The following EPHX4 variants were observed in gnomAD, a reference collection of about 807,000 sequenced individuals.
The protein encoded by EPHX4 is abhydrolase domain containing 7.
A neutral mutation model predicts 44.9 loss-of-function variants in EPHX4; 31 were observed. That is an observed-to-expected ratio of 0.69 (90% CI 0.52 to 0.93). The LOEUF (loss-of-function observed/expected upper bound fraction) is 0.93, where lower values mean the gene tolerates loss of function less well. EPHX4 is among the 40% of genes least tolerant of loss of function. The pLI is 0.00. For missense variants in EPHX4, 373 were observed against 438.1 expected (o/e 0.85, Z 1.33); for synonymous variants, 151 against 159.7 (o/e 0.95, Z 0.41).
intron 4 of EPHX4, among the ~76,000 whole-genome samples, chr1:92,046,592 T>C (rs1268650154): frequency 6.6e-6 from 1 of 151,212 alleles, no homozygotes; most frequent in Non-Finnish European, 1.5e-5. Context: ...GCCTCCCGAG[T>C]AGCTGGGACT....
At chr1:92,054,186 A>G (rs890409126) in intron 6 of EPHX4, among the ~76,000 whole-genome samples, 1 of 152,186 alleles carries the variant, frequency 6.6e-6, no homozygotes, top group South Asian at 2.1e-4. Flanking sequence ...TAGGCTGTTA[A>G]CATTCCCCAG....
rs1049631569 is a variant in EPHX4 at position 92,042,764 on chromosome 1, T to A, written c.318-59T>A. Reference sequence around the variant, plus strand: ...AAAAAGAAAGGAAAAAGAAAATCTGTAATGTTACTGTTTGTACTAGCTAAT... The same window carrying A: ...AAAAAGAAAGGAAAAAGAAAATCTGAAATGTTACTGTTTGTACTAGCTAAT... On this transcript the variant is annotated intron_variant, in intron 2 of 6. Transcript: ENST00000370383. 14 of 1,360,262 alleles carry A rather than the reference T, an allele frequency of 1.0e-5. No homozygotes were observed. In the East Asian group the frequency reaches 3.4e-4, roughly 33 times the overall value. 84.3% of individuals were successfully genotyped at this position (1,360,262 alleles called of 1,614,324 possible). A position where few individuals can be genotyped will look rare whatever the true frequency, so the allele number is the denominator to read the frequency against.
intron 3 of EPHX4, chr1:92,043,782 G>A (rs1375800605): frequency 6.6e-6 from 1 of 152,236 alleles, no homozygotes; most frequent in East Asian, 1.9e-4. Context: ...GCTTCTCTCT[G>A]TGAGTTGGGC....
At chr1:92,050,527 T>C (rs1194587739) in intron 5 of EPHX4, 107 bp downstream of exon 5, 1 of 660,528 alleles carries the variant, frequency 1.5e-6, no homozygotes, top group African/African-American at 1.9e-5. Flanking sequence ...GAAATTATTA[T>C]AACTTAAATG....
chr1:92,058,910 A>G (rs951282200), intron 6 of EPHX4, among the ~76,000 whole-genome samples: 4 of 152,158 alleles, frequency 2.6e-5, no homozygotes, highest in Non-Finnish European at 4.4e-5. Context: ...TTCTACTGGT[A>G]TCTGAGAGAG....
intron 6 of EPHX4, among the ~76,000 whole-genome samples, chr1:92,060,271 A>AGCTGTTGTG (rs1261761010): frequency 6.6e-6 from 1 of 151,574 alleles, no homozygotes; most frequent in African/African-American, 2.4e-5. Context: ...TTAATTAGTC[A>AGCTGTTGTG]GCTGTTGTGG....
At chr1:92,062,584 CAAAAAAAAAAAAAAAA>C (rs1167530513) in intron 6 of EPHX4, among the ~76,000 whole-genome samples, 3 of 20,090 alleles carry the variant, frequency 1.5e-4, no homozygotes, top group Admixed American at 5.4e-4. Flanking sequence ...AACTCCATCT[CAAAAAAAAAAAAAAAA>C]AAAAAAAAAA....
chr1:92,053,332 G>T (rs1647298897), intron 6 of EPHX4, among the ~76,000 whole-genome samples: 1 of 152,110 alleles, frequency 6.6e-6, no homozygotes. Flanking sequence ...AGGGCTTCTT[G>T]GCTGGAGCAC....
intron 4 of EPHX4, among the ~76,000 whole-genome samples, chr1:92,049,731 G>A (rs1051638146): frequency 2.0e-5 from 3 of 152,152 alleles, no homozygotes; most frequent in Non-Finnish European, 4.4e-5. Flanking sequence ...AATGACCTTG[G>A]AGGAAAAGCA....
intron 1 of EPHX4, among the ~76,000 whole-genome samples, 173 bp downstream of exon 1, chr1:92,030,483 T>TGTGTGTGTGTGTGTGTGAGA (rs745435867): frequency 7.2e-6 from 1 of 138,656 alleles, no homozygotes; most frequent in Non-Finnish European, 1.6e-5. Flanking sequence ...TGTGTGTGTG[T>TGTGTGTGTGTGTGTGTGAGA]GTGAGAGAGA....
intron 6 of EPHX4, among the ~76,000 whole-genome samples, chr1:92,055,075 A>T (rs1212705801): frequency 3.9e-5 from 6 of 152,210 alleles, no homozygotes; most frequent in African/African-American, 1.4e-4. Context: ...CAAGAAAATG[A>T]TCAGTTAAAA....
At chr1:92,038,183 T>C (rs1688466968) in intron 2 of EPHX4, among the ~76,000 whole-genome samples, 1 of 152,248 alleles carries the variant, frequency 6.6e-6, no homozygotes, top group African/African-American at 2.4e-5. Context: ...CATGGAAGCA[T>C]CATGTTTGCA....
chr1:92,044,103 C>T (rs1688550436), intron 3 of EPHX4, among the ~76,000 whole-genome samples: 1 of 152,018 alleles, frequency 6.6e-6, no homozygotes, highest in Non-Finnish European at 1.5e-5. Context: ...AAGCTGCTAC[C>T]ATCAGTATGT....
intron 1 of EPHX4, among the ~76,000 whole-genome samples, chr1:92,031,375 A>C (rs1688357884): frequency 6.6e-6 from 1 of 152,208 alleles, no homozygotes; most frequent in Non-Finnish European, 1.5e-5. Context: ...GTAAAGTCAG[A>C]TTTGTTATCT....
Position 92,063,118 on chromosome 1 carries a change from C to T in EPHX4, c.921C>T (p.Asp307=), listed in dbSNP as rs897937221. The T allele has an allele frequency of 8.7e-6, 14 of 1,613,966 alleles. No homozygotes were observed. The highest frequency in any genetic ancestry group is 2.2e-5 in the East Asian group (1 of 44,882). ...CACTACTACTGTGGGGAGAGAATGA[C>T]GCATTCATGGAGGTTGAGATGGCTG... is the stretch of plus-strand genomic sequence containing the variant. ...TPTLLLWGEN[D]AFMEVEMAEV... Residue 307 remains aspartate (D), a synonymous_variant, in exon 7 of 7, where the codon GAC becomes GAT. Coordinates refer to ENST00000370383, the MANE Select transcript of EPHX4 (RefSeq NM_173567.5).
intron 1 of EPHX4, among the ~76,000 whole-genome samples, chr1:92,032,210 T>C (rs1688370445): frequency 6.6e-6 from 1 of 152,176 alleles, no homozygotes; most frequent in Non-Finnish European, 1.5e-5. Context: ...ATATATAAAT[T>C]GACTGTACTA....
chr1:92,059,753 G>A (rs1031352625), intron 6 of EPHX4, among the ~76,000 whole-genome samples: 6 of 151,948 alleles, frequency 3.9e-5, no homozygotes, highest in African/African-American at 1.4e-4. Flanking sequence ...AAGGCATATA[G>A]GAATGACTCT....
chr1:92,039,234 C>T (rs573085129), intron 2 of EPHX4, among the ~76,000 whole-genome samples: 16 of 152,136 alleles, frequency 1.1e-4, no homozygotes, highest in South Asian at 4.2e-4. Context: ...TTTTCAGCAA[C>T]GAAATGACAT....
At chr1:92,061,316 G>T (rs1483192458) in intron 6 of EPHX4, among the ~76,000 whole-genome samples, 2 of 152,162 alleles carry the variant, frequency 1.3e-5, no homozygotes, top group Non-Finnish European at 2.9e-5. Context: ...TTAAGTCCAT[G>T]GTGGGCATGT....
Sources: gnomAD v4.1 joint callset for allele counts (sites outside exome capture counted in the v4.1 genomes callset) on GRCh38, gnomAD v4.1.1 for gene constraint, MANE v1.5 for transcripts, NCBI Gene and HGNC (gene_info 2026-07-23, HGNC 2026-07-21) for gene names.